Variants in PHF20L1 observed in about 807,000 individuals in gnomAD.
The protein encoded by PHF20L1 is PHD finger protein 20-like protein 1.
Under a neutral mutation model 125.5 loss-of-function variants are expected in PHF20L1, and 44 were observed. The observed-to-expected ratio is 0.35, with a 90% confidence interval of 0.28 to 0.45. PHF20L1 has a LOEUF of 0.45. PHF20L1 is among the 20% of genes least tolerant of loss of function. The pLI is 1.00. For synonymous variants in PHF20L1, 380 were observed against 403.1 expected, an observed-to-expected ratio of 0.94 and a Z score of 0.69; for missense variants, 1,012 against 1,217.2, an observed-to-expected ratio of 0.83 and a Z score of 2.51.
chr8:132,839,302 A>C (rs1837691209), intron 17 of PHF20L1, 85 bp from the exon 18 acceptor site: 2 of 1,031,698 alleles, frequency 1.9e-6, no homozygotes, highest in East Asian at 4.8e-5. Flanking sequence ...TGCCTTGCTT[A>C]ATGAGCAACG....
chr8:132,836,586 G>C lies in PHF20L1; in HGVS notation c.1956G>C (p.Leu652Phe), dbSNP rs765787543. 73 of 1,612,388 alleles carry C rather than the reference G, an allele frequency of 4.5e-5. No individual in the cohort carries two copies. The highest frequency in any genetic ancestry group is 6.2e-5 in the Non-Finnish European group (73 of 1,178,730). Residue 652 changes from leucine (L) to phenylalanine (F), a missense_variant, in exon 16 of 21, where the codon TTG (leucine) becomes TTC (phenylalanine). This residue lies in a region of PHF20L1 where 320 missense variants were observed against 293.8 expected (regional missense o/e 1.09). Transcript: ENST00000395386. ...DFLDDSSTES[L>F]LLSGDEYNQD... is the part of the protein sequence containing the mutation. ...TAGATGATTCTTCAACGGAGAGTTT[G>C]CTTCTGAGTGGGGATGAATACAATC...
intron 20 of PHF20L1, 148 bp from the exon 21 acceptor site, chr8:132,845,633 C>T: frequency 1.6e-6 from 1 of 612,268 alleles, no homozygotes; most frequent in Non-Finnish European, 2.9e-6. Flanking sequence ...GGACGCTAAC[C>T]TCTCGGAAAT....
chr8:132,785,182 C>G (rs1164854188), intron 2 of PHF20L1, among the ~76,000 whole-genome samples: 2 of 152,238 alleles, frequency 1.3e-5, no homozygotes, highest in African/African-American at 4.8e-5. Flanking sequence ...TCACACACAT[C>G]CAGCTCCCTA....
At position 132,824,051 on chromosome 8, in the gene PHF20L1, A is replaced by G. The variant is rs759230239; in HGVS notation, c.1627A>G (p.Thr543Ala). Reference sequence around the variant, plus strand: ...AGTGAAATTGGAAGACAAAAGCTCAACAGCATTTGGTATGAACAGAAAGTA... The same window carrying G: ...AGTGAAATTGGAAGACAAAAGCTCAGCAGCATTTGGTATGAACAGAAAGTA... ...KKVKLEDKSS[T>A]AFGKRKEKDK... Residue 543 changes from threonine to alanine, a missense_variant, in exon 13 of 21, where the codon ACA becomes GCA. Physicochemically the swap from Thr to Ala is moderately conservative, Grantham distance 58. Around this residue, in one of 7 missense-constraint regions of PHF20L1, gnomAD observed 320 missense variants for 293.8 expected, o/e 1.09. Coordinates refer to ENST00000395386, the MANE Select transcript of PHF20L1 (RefSeq NM_016018.5). 1 of 1,595,592 alleles carries G rather than the reference A, an allele frequency of 6.3e-7. No homozygotes were observed. Among genetic ancestry groups the G allele is most frequent in the Non-Finnish European group, 8.6e-7 (1 of 1,165,138 alleles).
chr8:132,804,329 T>C (rs577981233), intron 7 of PHF20L1, among the ~76,000 whole-genome samples: 1 of 151,662 alleles, frequency 6.6e-6, no homozygotes, highest in Admixed American at 6.6e-5. Context: ...TTTTGTTTTG[T>C]GTTTTTTCTT....
At chr8:132,798,049 A>G (rs896567114) in intron 4 of PHF20L1, among the ~76,000 whole-genome samples, 2 of 152,082 alleles carry the variant, frequency 1.3e-5, no homozygotes, top group Non-Finnish European at 2.9e-5. Context: ...AAAAGTGAAT[A>G]TGCTTCATAA....
chr8:132,831,824 G>A (rs1189953653), intron 14 of PHF20L1, among the ~76,000 whole-genome samples: 3 of 152,034 alleles, frequency 2.0e-5, no homozygotes, highest in Non-Finnish European at 4.4e-5. Context: ...CGCATTAGCT[G>A]TTCTTGCTGA....
rs761368121 is a variant in PHF20L1 at position 132,844,189 on chromosome 8, A to G, written c.2782A>G (p.Asn928Asp). 1.2e-6 allele frequency: 2 copies of G among 1,612,812 alleles called. No homozygotes were observed. The highest frequency in any genetic ancestry group is 2.2e-5 in the South Asian group (2 of 91,046). The part of the protein sequence containing the change: ...PAEGNTVFVY[N>D]DKKGTEDPGD... The stretch of plus-strand genomic sequence containing the variant: ...TGAAGGGAATACAGTATTTGTTTAT[A>G]ATGATAAAAAGGGCACCGAAGACCC... The change falls in exon 20 of 21, where the codon AAT (asparagine) becomes GAT (aspartate). Residue 928 changes from asparagine (N) to aspartate (D), a missense_variant. By Grantham distance (23) the Asn-to-Asp change is conservative. This residue lies in a region of PHF20L1 where 277 missense variants were observed against 283.6 expected (regional missense o/e 0.98). Transcript: ENST00000395386.
intron 12 of PHF20L1, 37 bp downstream of exon 12, chr8:132,817,582 A>T (rs1322520417): frequency 6.9e-7 from 1 of 1,440,026 alleles, no homozygotes; most frequent in South Asian, 1.2e-5. Flanking sequence ...ATAAGTAGAT[A>T]AGTAGCTAGG....
intron 11 of PHF20L1, 80 bp from the exon 12 acceptor site, chr8:132,817,259 G>A: frequency 1.6e-6 from 2 of 1,227,284 alleles, no homozygotes; most frequent in Non-Finnish European, 2.3e-6. Context: ...TTTAAATTAT[G>A]TAACACTTTA....
At chr8:132,800,990 A>G (rs936429631) in intron 6 of PHF20L1, among the ~76,000 whole-genome samples, 6 of 151,570 alleles carry the variant, frequency 4.0e-5, no homozygotes, top group Admixed American at 2.6e-4. Context: ...GTGGAATGGT[A>G]GTGTTGATAC....
chr8:132,793,234 G>T (rs941427592), intron 2 of PHF20L1, among the ~76,000 whole-genome samples: 1 of 152,108 alleles, frequency 6.6e-6, no homozygotes, highest in Admixed American at 6.6e-5. Context: ...TAGCATGAAT[G>T]CTTGACACAG....
Position 132,832,325 on chromosome 8 carries a change from G to C in PHF20L1, c.1835G>C (p.Arg612Pro). The C allele has an allele frequency of 6.2e-7, 1 of 1,611,540 alleles. No homozygotes were observed. Among genetic ancestry groups the C allele is most frequent in the Non-Finnish European group, 8.5e-7 (1 of 1,178,070 alleles). The change falls in exon 15 of 21, where the codon CGA becomes CCA. Residue 612 changes from arginine (R) to proline (P), a missense_variant. Arg to Pro is a moderately radical substitution (Grantham distance 103). Coordinates refer to ENST00000395386, the MANE Select transcript of PHF20L1 (RefSeq NM_016018.5). Reference sequence around the variant, plus strand: ...TCTTCTGGGAGTTCTCTGGCTTCACGAAGCATGTTTACGGAGAAAACTACA... The same window carrying C: ...TCTTCTGGGAGTTCTCTGGCTTCACCAAGCATGTTTACGGAGAAAACTACA... ...TRSSGSSLAS[R>P]SMFTEKTTTY...
At chr8:132,820,420 C>G (rs1045323039) in intron 12 of PHF20L1, among the ~76,000 whole-genome samples, 6 of 151,914 alleles carry the variant, frequency 3.9e-5, no homozygotes. Flanking sequence ...ACAGTGTGAA[C>G]AGATGTGGAA....
intron 14 of PHF20L1, among the ~76,000 whole-genome samples, chr8:132,825,629 C>G (rs1034698929): frequency 6.6e-6 from 1 of 151,990 alleles, no homozygotes; most frequent in Non-Finnish European, 1.5e-5. Flanking sequence ...ATGGTAGACT[C>G]GATGCCCTGA....
At chr8:132,781,033 T>G (rs1298968974) in intron 2 of PHF20L1, among the ~76,000 whole-genome samples, 2 of 152,038 alleles carry the variant, frequency 1.3e-5, no homozygotes, top group African/African-American at 4.8e-5. Context: ...ATTTTTTTTG[T>G]AGAGATGAAG....
chr8:132,806,407 C>T (rs891481434), intron 8 of PHF20L1: 4 of 152,012 alleles, frequency 2.6e-5, no homozygotes, highest in African/African-American at 9.7e-5. Context: ...AAACACCCTT[C>T]CCTTCCACGG....
intron 7 of PHF20L1, 135 bp downstream of exon 7, chr8:132,804,167 C>T (rs1050205943): frequency 6.3e-6 from 4 of 636,660 alleles, no homozygotes; most frequent in Non-Finnish European, 1.1e-5. Flanking sequence ...AATATGATGG[C>T]TAACTTTTTT....
rs748389927 is a variant in PHF20L1, at chr8:132,798,903, C to T, written c.429+43C>T. ...TCCTAGCTACCCAAAGGGTTATCTTCTTGAACGGTGACTGATCAAAATATA... is the reference window on the plus strand; with the variant it reads ...TCCTAGCTACCCAAAGGGTTATCTTTTTGAACGGTGACTGATCAAAATATA... On this transcript the variant is annotated intron_variant, in intron 5 of 20. Coordinates refer to ENST00000395386, the MANE Select transcript of PHF20L1 (RefSeq NM_016018.5). The T allele has an allele frequency of 3.0e-6, 4 of 1,316,996 alleles. No individual in the cohort carries two copies. In the East Asian group the frequency reaches 9.6e-5, roughly 32 times the overall value. 81.6% of individuals were successfully genotyped at this position (1,316,996 alleles called of 1,614,324 possible).
Sources: allele counts gnomAD v4.1 joint callset (sites outside exome capture counted in the v4.1 genomes callset), GRCh38; gene constraint gnomAD v4.1.1; regional missense constraint gnomAD v4.1.1; transcripts MANE v1.5; gene names NCBI Gene and HGNC (gene_info 2026-07-23, HGNC 2026-07-21).